The following PDE4D variants were observed in gnomAD, a reference collection of about 807,000 sequenced individuals.
PDE4D encodes the protein 3',5'-cyclic-AMP phosphodiesterase 4D.
PDE4D carries 24 observed loss-of-function variants against 87.4 expected under a neutral mutation model. The observed-to-expected ratio is 0.27, with a 90% CI of 0.20 to 0.39. The LOEUF is 0.39. Ranked by LOEUF, PDE4D falls within the 10% of genes least tolerant of loss-of-function variation. The pLI is 1.00. For synonymous variants in PDE4D, 384 were observed against 383.2 expected (o/e 1.00, Z -0.02); for missense variants, 714 against 1,041.0 (o/e 0.69, Z 4.32).
intron 2 of PDE4D, among the ~76,000 whole-genome samples, chr5:60,040,484 T>C (rs1292911934): frequency 6.6e-6 from 1 of 152,236 alleles, no homozygotes; most frequent in Non-Finnish European, 1.5e-5. Flanking sequence ...CTACAGTCTG[T>C]GCTTTATCTC....
intron 1 of PDE4D, among the ~76,000 whole-genome samples, chr5:59,817,502 C>G (rs1769107854): frequency 6.6e-6 from 1 of 152,116 alleles, no homozygotes; most frequent in South Asian, 2.1e-4. Context: ...GTCCCTCACC[C>G]CAATTCATAT....
At chr5:59,972,668 C>A (rs998066315) in intron 3 of PDE4D, among the ~76,000 whole-genome samples, 1 of 152,144 alleles carries the variant, frequency 6.6e-6, no homozygotes, top group Non-Finnish European at 1.5e-5. Context: ...TGTAAATGGC[C>A]TGAACCAGCT....
intron 2 of PDE4D, among the ~76,000 whole-genome samples, chr5:60,102,084 G>T (rs1238517586): frequency 6.6e-6 from 1 of 151,982 alleles, no homozygotes; most frequent in Admixed American, 6.5e-5. Flanking sequence ...GAGTATCAAA[G>T]AAATTAAAAA....
chr5:59,223,345 C>A (rs1752981836), intron 1 of PDE4D, among the ~76,000 whole-genome samples: 1 of 152,086 alleles, frequency 6.6e-6, no homozygotes, highest in Non-Finnish European at 1.5e-5. Flanking sequence ...CTCAGGTCTC[C>A]AGACACAGGG....
chr5:59,204,395 T>G (rs779863450), intron 2 of PDE4D, among the ~76,000 whole-genome samples: 91 of 152,166 alleles, frequency 6.0e-4, no homozygotes, highest in Non-Finnish European at 1.1e-3. Context: ...AGAAAATACA[T>G]GATGCCAATG....
Position 59,956,266 on chromosome 5 carries a change from G to T in PDE4D, c.272+32222C>A, listed in dbSNP as rs530880487. Among the ~76,000 whole-genome samples the T allele has an allele frequency of 2.0e-5, 3 of 152,256 alleles. No homozygotes were observed. In the East Asian group the frequency reaches 5.8e-4, roughly 29 times the overall value. ...CACAACTAATAACAACCTTCAGCCT[G>T]CAGGACAGCCCCTGAACACAGCCCC... On this transcript the variant is annotated intron_variant, in intron 3 of 16. Transcript: ENST00000502484.
Position 59,893,328 on chromosome 5 carries a change from C to T in PDE4D, c.295G>A (p.Gly99Arg), listed in dbSNP as rs1163623992. Residue 99 changes from glycine (G) to arginine (R), a missense_variant, in exon 1 of 15, where the codon GGG (glycine) becomes AGG (arginine). Around this residue, in one of 7 missense-constraint regions of PDE4D, gnomAD observed 268 missense variants for 272.9 expected, o/e 0.98. Coordinates refer to ENST00000340635, the MANE Select transcript of PDE4D (RefSeq NM_001104631.2). ...CGATGCCGGACGCGGCCGGTGGCCC[C>T]GCTCGAGGCGTAGCGGCCGCGGGCA... ...GAARGRYASSGATGRVRHRGY... is the reference protein window; with the variant it reads ...GAARGRYASSRATGRVRHRGY... The T allele has an allele frequency of 2.0e-6, 3 of 1,505,802 alleles. No individual in the cohort carries two copies. The highest frequency in any genetic ancestry group is 2.7e-6 in the Non-Finnish European group (3 of 1,124,700). 93.3% of individuals were successfully genotyped at this position (1,505,802 alleles called of 1,614,324 possible).
At chr5:60,186,485 T>G (rs970043248) in intron 1 of PDE4D, among the ~76,000 whole-genome samples, 3 of 152,178 alleles carry the variant, frequency 2.0e-5, no homozygotes, top group Admixed American at 2.0e-4. Context: ...TTCTGCTACA[T>G]CAGGACACAA....
intron 1 of PDE4D, among the ~76,000 whole-genome samples, chr5:59,887,065 C>T (rs1316973891): frequency 2.0e-5 from 3 of 151,736 alleles, no homozygotes; most frequent in South Asian, 2.1e-4. Context: ...TTTCTGAGGA[C>T]GATTCAAAAG....
At chr5:59,914,394 C>T (rs4700344) in intron 3 of PDE4D, among the ~76,000 whole-genome samples, 47,826 of 151,808 alleles carry the variant, frequency 0.32, 9,422 homozygotes, top group East Asian at 0.74. Context: ...TGAGCAGAGA[C>T]CTGAGGGAAG....
chr5:58,997,971 G>A (rs971154745), intron 6 of PDE4D, among the ~76,000 whole-genome samples: 1 of 152,178 alleles, frequency 6.6e-6, no homozygotes, highest in Non-Finnish European at 1.5e-5. Flanking sequence ...ATTTAAGGAG[G>A]TGGTATGGGT....
chr5:60,251,523 C>T (rs766198487), intron 1 of PDE4D, among the ~76,000 whole-genome samples: 5 of 151,956 alleles, frequency 3.3e-5, no homozygotes, highest in Non-Finnish European at 7.4e-5. Context: ...TCTATATTCC[C>T]GCAAAGGACA....
intron 1 of PDE4D, among the ~76,000 whole-genome samples, chr5:59,303,050 T>A (rs559873340): frequency 4.9e-4 from 74 of 152,264 alleles, no homozygotes; most frequent in African/African-American, 1.7e-3. Context: ...ACATCTACTG[T>A]TTTTTAAAAT....
rs1029990994 is a variant in PDE4D, at chr5:58,971,298, G to A, written c.*3366C>T. ...TGAATCTTCCATAAACAAGCTCTAA[G>A]GTGACAAGACTATATTACAGGAGAA... On this transcript the variant is annotated 3_prime_UTR_variant, in exon 15 of 15. Coordinates refer to ENST00000340635, the MANE Select transcript of PDE4D (RefSeq NM_001104631.2). 1 of 152,420 alleles carries A rather than the reference G, an allele frequency of 6.6e-6. No homozygotes were observed. Among genetic ancestry groups the A allele is most frequent in the Non-Finnish European group, 1.5e-5 (1 of 67,986 alleles). The allele number at this position is 152,420 out of a possible 1,614,324, so 9.4% of individuals were successfully genotyped here.
intron 2 of PDE4D, among the ~76,000 whole-genome samples, chr5:60,170,111 G>C (rs1315581971): frequency 6.6e-6 from 1 of 151,846 alleles, no homozygotes; most frequent in African/African-American, 2.4e-5. Flanking sequence ...TTTAATTTCA[G>C]AAGAAAGAAA....
At chr5:59,165,372 C>G (rs1781769047) in intron 5 of PDE4D, among the ~76,000 whole-genome samples, 1 of 152,162 alleles carries the variant, frequency 6.6e-6, no homozygotes, top group Admixed American at 6.5e-5. Flanking sequence ...CTCCCAGGTT[C>G]AAGTGATTCT....
chr5:60,399,688 C>T (rs1028187239), intron 1 of PDE4D, among the ~76,000 whole-genome samples: 3 of 152,240 alleles, frequency 2.0e-5, no homozygotes, highest in Non-Finnish European at 4.4e-5. Flanking sequence ...TCCAGCAGCA[C>T]CAAGCAACCG....
intron 1 of PDE4D, among the ~76,000 whole-genome samples, chr5:59,384,862 CT>C (rs1307954343): frequency 1.3e-5 from 2 of 151,650 alleles, no homozygotes; most frequent in Non-Finnish European, 2.9e-5. Flanking sequence ...CTCCAGTTCC[CT>C]TTTTTCACCT....
At chr5:60,153,110 A>G (rs918523560) in intron 2 of PDE4D, among the ~76,000 whole-genome samples, 28 of 152,216 alleles carry the variant, frequency 1.8e-4, no homozygotes, top group African/African-American at 6.3e-4. Flanking sequence ...AGGAGAAAGT[A>G]TTTGCAAACC....
Sources: gnomAD v4.1 joint callset for allele counts (sites outside exome capture counted in the v4.1 genomes callset) on GRCh38, gnomAD v4.1.1 for gene constraint, gnomAD v4.1.1 regional missense constraint, MANE v1.5 for transcripts, NCBI Gene and HGNC (gene_info 2026-07-23, HGNC 2026-07-21) for gene names.